PXN: variants seen among roughly 807,000 people sequenced by gnomAD.
The protein encoded by PXN is paxillin.
Under a neutral mutation model 103.6 loss-of-function variants are expected in PXN, and 61 were observed. The ratio of observed to expected loss-of-function variants is 0.59; its 90% CI spans 0.48 to 0.73. The LOEUF is 0.73. PXN is among the 30% of genes least tolerant of loss of function. PXN has a pLI of 0.00. For missense variants in PXN, 1,274 were observed against 1,460.3 expected, an observed-to-expected ratio of 0.87 and a Z score of 2.08; for synonymous variants, 562 against 607.8, an observed-to-expected ratio of 0.92 and a Z score of 1.11.
chr12:120,259,207 T>C (rs1893484581), intron 1 of PXN, among the ~76,000 whole-genome samples: 1 of 151,874 alleles, frequency 6.6e-6, no homozygotes, highest in African/African-American at 2.4e-5. Context: ...GCCTAAACAA[T>C]ATGGTGAAAC....
intron 1 of PXN, among the ~76,000 whole-genome samples, chr12:120,256,764 C>T (rs567523525): frequency 3.3e-5 from 5 of 152,272 alleles, no homozygotes; most frequent in Middle Eastern, 3.4e-3. Flanking sequence ...GTCACCCAGG[C>T]TGGAGTGCAG....
rs531181664 is a variant in PXN, at chr12:120,219,396, C to T, written c.1527G>A (p.Thr509=). The change falls in exon 7 of 15, where the codon ACG becomes ACA. Residue 509 remains threonine, a synonymous_variant. Coordinates refer to ENST00000637617, the MANE Select transcript of PXN (RefSeq NM_001385981.1). This position sits in a 1 kb window ranked among gnomAD's most constrained non-coding sequence, Gnocchi z 6.5. ...LGSSSPASVT[T]EQLGAKMTER... is the part of the protein sequence containing the mutation. ...CGGTCATCTTTGCACCTAGCTGCTCCGTGGTAACTGAGGCAGGGGAGCTGC... is the reference window on the plus strand; with the variant it reads ...CGGTCATCTTTGCACCTAGCTGCTCTGTGGTAACTGAGGCAGGGGAGCTGC... The T allele has an allele frequency of 1.1e-5, 17 of 1,598,422 alleles. No individual in the cohort carries two copies. The highest frequency in any genetic ancestry group is 9.9e-5 in the South Asian group (9 of 91,088).
rs118150613 is a variant in PXN, at chr12:120,263,756, T to C, written c.13+1861A>G. Among the ~76,000 whole-genome samples the C allele has an allele frequency of 3.1e-3, 472 of 152,348 alleles. 3 individuals are homozygous for C. Among genetic ancestry groups the C allele is most frequent in the South Asian group, 0.017 (84 of 4,826 alleles). On this transcript the variant is annotated intron_variant, in intron 1 of 14. Coordinates refer to ENST00000637617, the MANE Select transcript of PXN (RefSeq NM_001385981.1). ...AATCCCTACAATCCCCTCTCCCGTA[T>C]ACAGTACTCTCTTTCCTTTCAGAAC...
rs1886731580 is a variant in PXN, at chr12:120,225,856, C to T, written c.14-1479G>A. ...AGGGCCTCGGTCTATGGGGCCACAC[C>T]TTGTCCCAGCTGCCTGTCCTGATCT... On this transcript the variant is annotated intron_variant, in intron 1 of 14. Transcript: ENST00000637617. The surrounding 1 kb of genome is among the most constrained non-coding windows in gnomAD (Gnocchi z 4.4). 1 of 168,972 alleles carries T rather than the reference C, an allele frequency of 5.9e-6. No individual in the cohort carries two copies. Among genetic ancestry groups the T allele is most frequent in the Non-Finnish European group, 1.2e-5 (1 of 80,670 alleles). 10.5% of individuals were successfully genotyped at this position (168,972 alleles called of 1,614,324 possible). A position where few individuals can be genotyped will look rare whatever the true frequency, so the allele number is the denominator to read the frequency against.
chr12:120,258,974 C>T (rs998644692), intron 1 of PXN, among the ~76,000 whole-genome samples: 5 of 152,108 alleles, frequency 3.3e-5, no homozygotes, highest in African/African-American at 1.2e-4. Context: ...GAGACTGAGG[C>T]AGCAGAATCG....
chr12:120,244,603 G>A (rs943778350), intron 1 of PXN, among the ~76,000 whole-genome samples: 4 of 149,880 alleles, frequency 2.7e-5, no homozygotes, highest in African/African-American at 4.9e-5. Context: ...AGCAGAGATC[G>A]CACCACTGCA....
At chr12:120,252,948 G>A (rs1366919738) in intron 1 of PXN, among the ~76,000 whole-genome samples, 3 of 144,340 alleles carry the variant, frequency 2.1e-5, no homozygotes, top group Admixed American at 7.1e-5. Context: ...CAGTTGAGCC[G>A]AGATCATGCC....
chr12:120,248,581 C>T (rs368554464), intron 1 of PXN: 1 of 153,436 alleles, frequency 6.5e-6, no homozygotes, highest in East Asian at 1.9e-4. Flanking sequence ...AGTGGCACCG[C>T]GTGGCATCAC....
At chr12:120,230,247 G>A (rs1167119164) in intron 1 of PXN, among the ~76,000 whole-genome samples, 1 of 152,204 alleles carries the variant, frequency 6.6e-6, no homozygotes, top group Non-Finnish European at 1.5e-5. Flanking sequence ...GGCCTTCCCC[G>A]CAGCCCTGGG....
intron 1 of PXN, among the ~76,000 whole-genome samples, chr12:120,244,551 G>A (rs955318053): frequency 2.0e-5 from 3 of 152,196 alleles, no homozygotes; most frequent in African/African-American, 4.8e-5. Context: ...GGGAGGCTGA[G>A]GCAGGAGAAT....
intron 1 of PXN, among the ~76,000 whole-genome samples, chr12:120,245,430 G>T (rs528323984): frequency 1.3e-5 from 2 of 151,080 alleles, no homozygotes; most frequent in African/African-American, 4.9e-5. Flanking sequence ...GAAAAGGAGG[G>T]GAAGAAAAAA....
chr12:120,215,049 C>T lies in PXN; in HGVS notation c.2575-51G>A. On this transcript the variant is annotated intron_variant, in intron 11 of 14. Coordinates refer to ENST00000637617, the MANE Select transcript of PXN (RefSeq NM_001385981.1). This position sits in a 1 kb window ranked among gnomAD's most constrained non-coding sequence, Gnocchi z 4.9. ...AGGGCCAAGGCCAGCCCCGGAGCAC[C>T]CCCACCCCTGCAGGAGTCCACTGGC... 1.9e-6 allele frequency: 3 copies of T among 1,602,188 alleles called. No homozygotes were observed. Among genetic ancestry groups the T allele is most frequent in the South Asian group, 1.1e-5 (1 of 89,494 alleles).
chr12:120,223,313 A>G (rs1257318705), intron 3 of PXN, among the ~76,000 whole-genome samples: 2 of 152,142 alleles, frequency 1.3e-5, no homozygotes, highest in African/African-American at 4.8e-5. Context: ...GGGTGCCTGT[A>G]GTCCCAGCTA....
At chr12:120,235,101 G>A (rs1467597752) in intron 1 of PXN, among the ~76,000 whole-genome samples, 2 of 152,094 alleles carry the variant, frequency 1.3e-5, no homozygotes, top group Non-Finnish European at 2.9e-5. Context: ...GGGCCCCAAC[G>A]CCTCCACCCC....
At chr12:120,231,349 T>A (rs1046853441) in intron 1 of PXN, among the ~76,000 whole-genome samples, 1 of 152,186 alleles carries the variant, frequency 6.6e-6, no homozygotes, top group Non-Finnish European at 1.5e-5. Context: ...AGAGGATGGA[T>A]GAGAAACGAT....
In PXN at chr12:120,217,618, C is replaced by T. The variant is rs376109590; in HGVS notation, c.1717-502G>A. ...GGGGGGGGACAGAGTCTCGCTCTGT[C>T]GCCCAGGCTGGAATGCAGTGGCGCG... On this transcript the variant is annotated intron_variant, in intron 7 of 14. Transcript: ENST00000637617. The surrounding 1 kb of genome is among the most constrained non-coding windows in gnomAD (Gnocchi z 4.1). 7.2e-5 allele frequency among the ~76,000 whole-genome samples: 11 copies of T among 151,948 alleles called. No individual in the cohort carries two copies. In the South Asian group the frequency reaches 1.0e-3, roughly 14 times the overall value.
At position 120,224,088 on chromosome 12, in the gene PXN, G is replaced by T. The variant is rs1305536885; in HGVS notation, c.240+63C>A. On this transcript the variant is annotated intron_variant, in intron 2 of 14. Transcript: ENST00000637617. The surrounding 1 kb of genome is among the most constrained non-coding windows in gnomAD (Gnocchi z 5.0). ...CCATCCCCTGGCTCCCTAAGCCCCT[G>T]CCAGCTAAGTTCCCTCTGTCCCCCA... 9.0e-6 allele frequency: 12 copies of T among 1,336,812 alleles called. No homozygotes were observed. Among genetic ancestry groups the T allele is most frequent in the African/African-American group, 1.5e-5 (1 of 67,804 alleles). The allele number at this position is 1,336,812 out of a possible 1,614,324, so 82.8% of individuals were successfully genotyped here. A position where few individuals can be genotyped will look rare whatever the true frequency, so the allele number is the denominator to read the frequency against.
Position 120,216,354 on chromosome 12 carries a change from A to G in PXN, c.2220T>C (p.Pro740=). ...EEPHDEGVQG[P]ALPIPAPHTM... ...TGTGGGGTGCAGGAATGGGAAGGGC[A>G]GGGCCCTGCACCCCCTCATCATGGG... Residue 740 remains proline, a synonymous_variant, in exon 9 of 15, where the codon CCT becomes CCC. Transcript: ENST00000637617. The surrounding 1 kb of genome is among the most constrained non-coding windows in gnomAD (Gnocchi z 5.1). 7.7e-7 allele frequency: 1 copy of G among 1,301,398 alleles called. No homozygotes were observed. Among genetic ancestry groups the G allele is most frequent in the Non-Finnish European group, 9.7e-7 (1 of 1,030,270 alleles). The allele number at this position is 1,301,398 out of a possible 1,614,324, so 80.6% of individuals were successfully genotyped here. A position where few individuals can be genotyped will look rare whatever the true frequency, so the allele number is the denominator to read the frequency against.
Position 120,217,598 on chromosome 12 carries a change from G to T in PXN, c.1717-482C>A, listed in dbSNP as rs1242957169. The stretch of plus-strand genomic sequence containing the variant: ...CCTTCCAGGAACTTTTTTTTGGGGG[G>T]GGACAGAGTCTCGCTCTGTCGCCCA... On this transcript the variant is annotated intron_variant, in intron 7 of 14. Coordinates refer to ENST00000637617, the MANE Select transcript of PXN (RefSeq NM_001385981.1). This position sits in a 1 kb window ranked among gnomAD's most constrained non-coding sequence, Gnocchi z 4.1. 6.6e-6 allele frequency among the ~76,000 whole-genome samples: 1 copy of T among 151,194 alleles called. No individual in the cohort carries two copies. Among genetic ancestry groups the T allele is most frequent in the Non-Finnish European group, 1.5e-5 (1 of 67,848 alleles).
Sources: allele counts gnomAD v4.1 joint callset (sites outside exome capture counted in the v4.1 genomes callset), GRCh38; gene constraint gnomAD v4.1.1; non-coding constraint Gnocchi (gnomAD v3.1); transcripts MANE v1.5; gene names NCBI Gene and HGNC (gene_info 2026-07-23, HGNC 2026-07-21).